SHTN1: variants seen among roughly 807,000 people sequenced by gnomAD.
SHTN1 encodes the protein shootin 1, also known as shootin-1.
In SHTN1, 42 loss-of-function variants were observed where a neutral mutation model predicts 83.1. That is an observed-to-expected ratio of 0.51 (90% CI 0.39 to 0.65). The LOEUF is 0.65. Among genes scored for constraint, SHTN1 ranks in the 30% least tolerant of loss-of-function variants. The pLI is 0.00. For synonymous variants in SHTN1, 224 were observed against 247.7 expected, an observed-to-expected ratio of 0.90 and a Z score of 0.90; for missense variants, 622 against 737.8, an observed-to-expected ratio of 0.84 and a Z score of 1.82.
At chr10:117,099,952 T>C (rs6585428) in intron 1 of SHTN1, among the ~76,000 whole-genome samples, 138,865 of 150,248 alleles carry the variant, frequency 0.92, 64,694 homozygotes, top group Non-Finnish European at 1. Flanking sequence ...CCGAGGTGGG[T>C]GGATCATCTG....
At chr10:117,009,777 G>A (rs146797916), upstream of SHTN1, among the ~76,000 whole-genome samples, 3,107 of 151,958 alleles carry the variant, frequency 0.02, 110 homozygotes, top group African/African-American at 0.071. Flanking sequence ...GGTGGCGGGC[G>A]CCTGTAGTCC....
intron 11 of SHTN1, 61 bp from the exon 12 acceptor site, chr10:116,921,577 GT>G: frequency 8.1e-7 from 1 of 1,241,834 alleles, no homozygotes; most frequent in Non-Finnish European, 1.2e-6. Flanking sequence ...TAAATAACCA[GT>G]AAAAATCTCA....
chr10:116,998,343 G>GT, intron 1 of SHTN1, among the ~76,000 whole-genome samples: 1 of 151,896 alleles, frequency 6.6e-6, no homozygotes, highest in Non-Finnish European at 1.5e-5. Context: ...CTTATCTACC[G>GT]TTTCACTCTT....
chr10:117,044,360 A>C (rs1852630743), intron 2 of SHTN1, among the ~76,000 whole-genome samples: 1 of 152,116 alleles, frequency 6.6e-6, no homozygotes, highest in South Asian at 2.1e-4. Flanking sequence ...CATAGTGTTC[A>C]ACTATATGTA....
Position 116,959,200 on chromosome 10 carries a change from T to C in SHTN1, c.267+936A>G, listed in dbSNP as rs1850091585. ...CATTTTTTAAAAAGTGTTTTTAAAG[T>C]GTATTGCTGTGTATTCTTCAGATGA... On this transcript the variant is annotated intron_variant, in intron 4 of 16. Transcript: ENST00000355371. 2.0e-5 allele frequency among the ~76,000 whole-genome samples: 3 copies of C among 152,266 alleles called. No individual in the cohort carries two copies. The South Asian group carries it at 6.2e-4, about 32-fold the overall frequency.
chr10:117,007,688 TA>T (rs565555784), upstream of SHTN1, among the ~76,000 whole-genome samples: 161 of 152,074 alleles, frequency 1.1e-3, 1 homozygote, highest in Middle Eastern at 0.021. Flanking sequence ...ATTGTTTATT[TA>T]TATGATATGA....
chr10:116,985,296 CA>C (rs923880211), intron 1 of SHTN1, among the ~76,000 whole-genome samples: 4 of 152,102 alleles, frequency 2.6e-5, no homozygotes, highest in African/African-American at 9.7e-5. Context: ...CCCCATTTTA[CA>C]AACAAAGACA....
chr10:116,963,314 C>T lies in SHTN1; in HGVS notation c.173-3084G>A, dbSNP rs1589848375. ...GTCTCGATCTCCTGACCTCGTGATC[C>T]GCCCGCCTCGGCCTCCCAAAGTGCT... is the stretch of plus-strand genomic sequence containing the variant. On this transcript the variant is annotated intron_variant, in intron 3 of 16. Transcript: ENST00000355371. Among the ~76,000 whole-genome samples, 4 of 150,802 alleles carry T rather than the reference C, an allele frequency of 2.7e-5. No homozygotes were observed. The East Asian group carries it at 5.9e-4, about 22-fold the overall frequency.
At chr10:116,957,979 G>A (rs535216273) in intron 4 of SHTN1, among the ~76,000 whole-genome samples, 1 of 152,180 alleles carries the variant, frequency 6.6e-6, no homozygotes, top group Non-Finnish European at 1.5e-5. Context: ...AGAATTGCTT[G>A]AATCTGGGAG....
At chr10:116,993,713 A>G (rs1851525960) in intron 1 of SHTN1, among the ~76,000 whole-genome samples, 1 of 152,176 alleles carries the variant, frequency 6.6e-6, no homozygotes, top group African/African-American at 2.4e-5. Context: ...TGAGTGAATT[A>G]AACAGATACA....
At chr10:116,929,262 C>T (rs189200724) in intron 10 of SHTN1, among the ~76,000 whole-genome samples, 1 of 152,314 alleles carries the variant, frequency 6.6e-6, no homozygotes, top group Admixed American at 6.5e-5. Context: ...AGTAATCTAA[C>T]TCGCACATTC....
chr10:116,917,756 C>T (rs1328247925), intron 12 of SHTN1, among the ~76,000 whole-genome samples: 1 of 152,144 alleles, frequency 6.6e-6, no homozygotes, highest in Non-Finnish European at 1.5e-5. Context: ...TATTTGCTTG[C>T]CAGAATCATA....
chr10:117,020,340 A>C (rs1157121736), intron 2 of SHTN1, among the ~76,000 whole-genome samples: 3 of 151,754 alleles, frequency 2.0e-5, no homozygotes, highest in African/African-American at 7.3e-5. Flanking sequence ...AAATTAAAAA[A>C]AAAAAAAAAT....
intron 10 of SHTN1, among the ~76,000 whole-genome samples, chr10:116,928,638 C>A (rs1423480348): frequency 1.3e-5 from 2 of 152,206 alleles, no homozygotes; most frequent in Non-Finnish European, 2.9e-5. Context: ...TAGCTCTCCC[C>A]ATCCACAGCC....
intron 1 of SHTN1, among the ~76,000 whole-genome samples, chr10:117,126,095 T>C (rs1482644321): frequency 6.6e-6 from 1 of 152,124 alleles, no homozygotes; most frequent in Non-Finnish European, 1.5e-5. Flanking sequence ...GAGCGCTAGG[T>C]GCTGGCAGGG....
At position 116,928,245 on chromosome 10, in the gene SHTN1, T is replaced by C. The variant is rs560876867; in HGVS notation, c.1013-354A>G. Among the ~76,000 whole-genome samples, 111 of 152,302 alleles carry C rather than the reference T, an allele frequency of 7.3e-4. 2 individuals are homozygous for C. The South Asian group carries it at 0.022, about 30-fold the overall frequency. The stretch of plus-strand genomic sequence containing the variant: ...AAACACTAAGAAATTGTTAATACTT[T>C]AAAAGTGTACAGACCAAGAATTAAT... On this transcript the variant is annotated intron_variant, in intron 10 of 16. Coordinates refer to ENST00000355371, the MANE Select transcript of SHTN1 (RefSeq NM_001127211.3).
rs548829750 is a variant in SHTN1, at chr10:116,906,659, C to T, written c.1448G>A (p.Arg483His). The T allele has an allele frequency of 1.5e-5, 24 of 1,613,270 alleles. No individual in the cohort carries two copies. Among genetic ancestry groups the T allele is most frequent in the African/African-American group, 9.3e-5 (7 of 75,030 alleles). Residue 483 changes from arginine to histidine, a missense_variant, in exon 15 of 17, where the codon CGC becomes CAC. Around this residue, in one of 3 missense-constraint regions of SHTN1, gnomAD observed 231 missense variants for 251.6 expected, o/e 0.92. Coordinates refer to ENST00000355371, the MANE Select transcript of SHTN1 (RefSeq NM_001127211.3). ...ATCTGCTTCTGCTGTCACCTTTCTGCGACGCAAAATCCTTTCTAACTCAGT... is the reference window on the plus strand; with the variant it reads ...ATCTGCTTCTGCTGTCACCTTTCTGTGACGCAAAATCCTTTCTAACTCAGT... ...SETELERILR[R>H]RKVTAEADSS...
At chr10:116,918,279 T>C (rs1848440680) in intron 12 of SHTN1, among the ~76,000 whole-genome samples, 1 of 152,036 alleles carries the variant, frequency 6.6e-6, no homozygotes, top group Admixed American at 6.6e-5. Flanking sequence ...ATGTAATTAA[T>C]TGGGGCTTAA....
rs547200702 is a variant in SHTN1 at position 116,989,234 on chromosome 10, T to G, written c.59-9926A>C. Among the ~76,000 whole-genome samples, 4 of 152,260 alleles carry G rather than the reference T, an allele frequency of 2.6e-5. No homozygotes were observed. The South Asian group carries it at 6.2e-4, about 24-fold the overall frequency. On this transcript the variant is annotated intron_variant, in intron 1 of 16. Transcript: ENST00000355371. ...CAATATCTTACATTAGTATGGTGCA[T>G]TTGCTAAAATTAATGGACTAATATT...
Sources: gnomAD v4.1 joint callset for allele counts (sites outside exome capture counted in the v4.1 genomes callset) on GRCh38, gnomAD v4.1.1 for gene constraint, gnomAD v4.1.1 regional missense constraint, MANE v1.5 for transcripts, NCBI Gene and HGNC (gene_info 2026-07-23, HGNC 2026-07-21) for gene names.